MSN: variants seen among roughly 807,000 people sequenced by gnomAD.
MSN encodes moesin, also known as epididymis luminal protein 70.
MSN carries 2 observed loss-of-function variants against 48.0 expected under a neutral mutation model. The observed-to-expected ratio is 0.04, with a 90% CI of 0.02 to 0.13. The LOEUF (loss-of-function observed/expected upper bound fraction) is 0.13. Among genes scored for constraint, MSN ranks in the 10% least tolerant of loss-of-function variants. MSN has a pLI of 1.00. For missense variants in MSN, 267 were observed against 470.1 expected (o/e 0.57, Z 3.99); for synonymous variants, 146 against 166.9 (o/e 0.87, Z 0.97).
At chrX:65,612,072 T>A (rs1325598479) in intron 1 of MSN, among the ~76,000 whole-genome samples, 1 of 112,279 alleles carries the variant, frequency 8.9e-6, no homozygotes, top group Non-Finnish European at 1.9e-5. Context: ...GGTTTGAATG[T>A]GTCCCTCCAA....
intron 1 of MSN, among the ~76,000 whole-genome samples, chrX:65,652,285 G>C (rs1039426953): frequency 7.2e-5 from 8 of 111,472 alleles, no homozygotes; most frequent in Non-Finnish European, 1.1e-4. Context: ...TGCCCACAGA[G>C]CCAGGATGAT....
chrX:65,709,444 G>A (rs1192328525), intron 1 of MSN, among the ~76,000 whole-genome samples: 2 of 112,330 alleles, frequency 1.8e-5, no homozygotes, highest in East Asian at 5.6e-4. Flanking sequence ...TGGAATGGCA[G>A]AAACCCTGAG....
At chrX:65,626,352 ATTTG>A (rs998898674) in intron 1 of MSN, among the ~76,000 whole-genome samples, 1 of 111,279 alleles carries the variant, frequency 9.0e-6, no homozygotes, top group African/African-American at 3.3e-5. Flanking sequence ...ATGCTTTGTG[ATTTG>A]TTTTTGTTGA....
chrX:65,729,409 T>G (rs1569467717), intron 3 of MSN, 29 bp from the exon 4 acceptor site: 7 of 1,194,868 alleles, frequency 5.9e-6, no homozygotes, highest in South Asian at 1.8e-5. Flanking sequence ...ACCTATTTTT[T>G]GAGAGTCCAT....
At chrX:65,614,667 GT>G (rs747952838) in intron 1 of MSN, among the ~76,000 whole-genome samples, 33,153 of 81,849 alleles carry the variant, frequency 0.41, 8,157 homozygotes, top group African/African-American at 0.85. Flanking sequence ...TTGACTCTCT[GT>G]TTTTTTTTTT....
chrX:65,696,546 C>A (rs752147235), intron 1 of MSN, among the ~76,000 whole-genome samples: 12 of 110,808 alleles, frequency 1.1e-4, no homozygotes, highest in Middle Eastern at 4.6e-3. Context: ...AAAAACTAGA[C>A]CAAACATTCG....
chrX:65,668,049 T>C (rs1302981597), intron 1 of MSN, among the ~76,000 whole-genome samples, 196 bp downstream of exon 1: 1 of 112,215 alleles, frequency 8.9e-6, no homozygotes, highest in Non-Finnish European at 1.9e-5. Context: ...GTGTCCAGGC[T>C]GGAAGTTTGG....
chrX:65,720,584 A>G (rs1179943613), intron 2 of MSN, among the ~76,000 whole-genome samples: 1 of 112,205 alleles, frequency 8.9e-6, no homozygotes, highest in Non-Finnish European at 1.9e-5. Flanking sequence ...CTCTAACTTG[A>G]TGAGGCATAA....
At chrX:65,605,918 G>T (rs780391671) in intron 1 of MSN, among the ~76,000 whole-genome samples, 4 of 110,862 alleles carry the variant, frequency 3.6e-5, no homozygotes, top group African/African-American at 1.3e-4. Context: ...TTAAGCCTAG[G>T]TTCAATCGTT....
At chrX:65,709,327 C>A (rs1330071107) in intron 1 of MSN, among the ~76,000 whole-genome samples, 1 of 112,206 alleles carries the variant, frequency 8.9e-6, no homozygotes, top group East Asian at 2.8e-4. Flanking sequence ...AATGGGAATT[C>A]TTTTGTGTTT....
chrX:65,735,521 A>G lies in MSN; in HGVS notation c.959+91A>G, dbSNP rs943754995. The stretch of plus-strand genomic sequence containing the variant: ...CATGCTAAGTCAGGACATGAGGCCA[A>G]CCTAGGACTTCATAGATGAGAGGTT... On this transcript the variant is annotated intron_variant, in intron 8 of 12. Transcript: ENST00000360270. 9.3e-5 allele frequency: 91 copies of G among 973,348 alleles called. 1 individual carries two copies. The African/African-American group carries it at 1.5e-3, about 16-fold the overall frequency. The allele number at this position is 973,348 out of a possible 1,213,427, so 80.2% of individuals were successfully genotyped here.
At chrX:65,694,101 A>G (rs2071204913) in intron 1 of MSN, among the ~76,000 whole-genome samples, 1 of 110,525 alleles carries the variant, frequency 9.0e-6, no homozygotes, top group Non-Finnish European at 1.9e-5. Flanking sequence ...AACGGAGGAT[A>G]GTACTGATAC....
intron 1 of MSN, among the ~76,000 whole-genome samples, chrX:65,683,545 C>A (rs778783614): frequency 1.8e-5 from 2 of 109,539 alleles, no homozygotes; most frequent in Non-Finnish European, 3.8e-5. Flanking sequence ...TTCCTCCCAT[C>A]CACTCCTGAG....
At chrX:65,631,469 A>G (rs1222629789) in intron 1 of MSN, among the ~76,000 whole-genome samples, 1 of 111,787 alleles carries the variant, frequency 8.9e-6, no homozygotes. Flanking sequence ...CAAAAATGTT[A>G]TATGAATGGA....
chrX:65,732,669 A>G (rs1335080365), intron 6 of MSN, among the ~76,000 whole-genome samples: 1 of 112,294 alleles, frequency 8.9e-6, no homozygotes, highest in Non-Finnish European at 1.9e-5. Flanking sequence ...CTTGGAGTTC[A>G]TTATTTACTT....
chrX:65,628,349 C>T (rs1168069452), intron 1 of MSN, among the ~76,000 whole-genome samples: 2 of 112,980 alleles, frequency 1.8e-5, no homozygotes, highest in African/African-American at 6.4e-5. Flanking sequence ...AGCCTCAATT[C>T]TTGACTTCTG....
chrX:65,634,175 C>T (rs1279727049), intron 1 of MSN, among the ~76,000 whole-genome samples: 2 of 112,118 alleles, frequency 1.8e-5, no homozygotes, highest in Admixed American at 1.9e-4. Context: ...TGAAACAGGC[C>T]CAGGAGGGGG....
intron 2 of MSN, among the ~76,000 whole-genome samples, chrX:65,726,913 C>T (rs1237664083): frequency 9.0e-6 from 1 of 111,349 alleles, no homozygotes; most frequent in Non-Finnish European, 1.9e-5. Context: ...ATGCTAATGT[C>T]AGGGACTAGA....
intron 1 of MSN, among the ~76,000 whole-genome samples, chrX:65,639,289 A>AC (rs1352680070): frequency 9.1e-6 from 1 of 110,257 alleles, no homozygotes; most frequent in South Asian, 3.9e-4. Context: ...GATTACAGGT[A>AC]CCCGCCACCA....
Sources: allele counts gnomAD v4.1 joint callset (sites outside exome capture counted in the v4.1 genomes callset), GRCh38; gene constraint gnomAD v4.1.1; transcripts MANE v1.5; gene names NCBI Gene and HGNC (gene_info 2026-07-23, HGNC 2026-07-21).